NKAIN2: variants seen among roughly 807,000 people sequenced by gnomAD.
NKAIN2 encodes sodium/potassium transporting ATPase interacting 2, also known as sodium/potassium-transporting ATPase subunit beta-1-interacting protein 2.
NKAIN2 carries 14 observed loss-of-function variants against 32.6 expected under a neutral mutation model. The observed-to-expected ratio is 0.43, with a 90% CI of 0.28 to 0.67. The LOEUF is 0.67. NKAIN2 is among the 30% of genes least tolerant of loss of function. The pLI is 0.17. For missense variants in NKAIN2, 198 were observed against 258.3 expected, an observed-to-expected ratio of 0.77 and a Z score of 1.60; for synonymous variants, 80 against 87.2, an observed-to-expected ratio of 0.92 and a Z score of 0.46.
chr6:124,680,876 TGAGA>T (rs1003003290), intron 4 of NKAIN2, among the ~76,000 whole-genome samples: 4 of 151,814 alleles, frequency 2.6e-5, no homozygotes, highest in Admixed American at 2.6e-4. Context: ...ATAAAATAAA[TGAGA>T]AAGAAAGGAA....
At chr6:124,543,906 T>A (rs919327436) in intron 3 of NKAIN2, among the ~76,000 whole-genome samples, 1 of 152,148 alleles carries the variant, frequency 6.6e-6, no homozygotes, top group African/African-American at 2.4e-5. Context: ...AGCCAGGTAG[T>A]GCAGACCAGG....
chr6:124,094,003 A>C (rs538182650), intron 1 of NKAIN2, among the ~76,000 whole-genome samples: 167 of 152,284 alleles, frequency 1.1e-3, no homozygotes, highest in Non-Finnish European at 2.1e-3. Context: ...TGATATATGC[A>C]ACTGGATTTT....
chr6:124,351,987 A>C (rs2115132340), intron 2 of NKAIN2, among the ~76,000 whole-genome samples: 2 of 152,314 alleles, frequency 1.3e-5, no homozygotes, highest in South Asian at 2.1e-4. Flanking sequence ...AAATGACAAC[A>C]TATAGTGAAA....
At position 124,136,623 on chromosome 6, in the gene NKAIN2, C is replaced by T. The variant is rs116785128; in HGVS notation, c.55-146382C>T. ...AAATCCTCAATAAAATACTGGCTAACGAAACCCAACAGCGTCTCACAAAGA... is the reference window on the plus strand; with the variant it reads ...AAATCCTCAATAAAATACTGGCTAATGAAACCCAACAGCGTCTCACAAAGA... On this transcript the variant is annotated intron_variant, in intron 1 of 6. Coordinates refer to ENST00000368417, the MANE Select transcript of NKAIN2 (RefSeq NM_001040214.3). Among the ~76,000 whole-genome samples the T allele has an allele frequency of 1.4e-3, 219 of 152,136 alleles. 2 individuals carry two copies. Among genetic ancestry groups the T allele is most frequent in the African/African-American group, 4.6e-4 (19 of 41,532 alleles).
At chr6:123,842,668 G>GT (rs895891910) in intron 1 of NKAIN2, among the ~76,000 whole-genome samples, 2 of 151,284 alleles carry the variant, frequency 1.3e-5, no homozygotes, top group African/African-American at 4.9e-5. Flanking sequence ...TCTTGTCTAT[G>GT]TTTTTGTTTT....
chr6:123,868,570 T>G (rs1424156303), intron 1 of NKAIN2, among the ~76,000 whole-genome samples: 1 of 152,178 alleles, frequency 6.6e-6, no homozygotes, highest in African/African-American at 2.4e-5. Context: ...ATAGAGAGTG[T>G]GCTAGTAATA....
intron 1 of NKAIN2, among the ~76,000 whole-genome samples, chr6:123,944,968 C>G (rs1404915235): frequency 6.6e-6 from 1 of 151,942 alleles, no homozygotes; most frequent in Non-Finnish European, 1.5e-5. Flanking sequence ...CACATGCACA[C>G]ACAGACATAT....
At chr6:124,429,409 G>T (rs2114558914) in intron 3 of NKAIN2, among the ~76,000 whole-genome samples, 1 of 152,136 alleles carries the variant, frequency 6.6e-6, no homozygotes, top group African/African-American at 2.4e-5. Flanking sequence ...CATTGGCTGA[G>T]ATAACTTCTT....
intron 1 of NKAIN2, among the ~76,000 whole-genome samples, chr6:123,814,701 G>A: frequency 6.6e-6 from 1 of 151,768 alleles, no homozygotes; most frequent in Non-Finnish European, 1.5e-5. Flanking sequence ...TTTTTTTGAA[G>A]TTTACATAGT....
intron 1 of NKAIN2, among the ~76,000 whole-genome samples, chr6:124,246,415 C>T (rs1160478693): frequency 6.6e-6 from 1 of 152,080 alleles, no homozygotes; most frequent in Non-Finnish European, 1.5e-5. Context: ...GCCAGCAACA[C>T]TGGGTCTCTA....
chr6:124,437,706 A>G (rs1397911764), intron 3 of NKAIN2, among the ~76,000 whole-genome samples: 2 of 152,100 alleles, frequency 1.3e-5, no homozygotes, highest in Admixed American at 1.3e-4. Flanking sequence ...TCATGAGGTT[A>G]AGTGCTATGA....
intron 3 of NKAIN2, among the ~76,000 whole-genome samples, chr6:124,448,415 C>A (rs969550952): frequency 6.6e-6 from 1 of 152,098 alleles, no homozygotes; most frequent in African/African-American, 2.4e-5. Flanking sequence ...CTTGTCAATT[C>A]CCTTCAATAA....
chr6:123,804,683 GT>G (rs920215976), intron 1 of NKAIN2, among the ~76,000 whole-genome samples: 2 of 148,792 alleles, frequency 1.3e-5, no homozygotes, highest in Non-Finnish European at 3.0e-5. Context: ...TCATAGACAT[GT>G]TTTTTTTCTT....
chr6:123,872,693 G>C (rs572683845), intron 1 of NKAIN2, among the ~76,000 whole-genome samples: 368 of 152,276 alleles, frequency 2.4e-3, no homozygotes, highest in Non-Finnish European at 3.7e-3. Flanking sequence ...CAAGAATGCT[G>C]AAAGCAAGAT....
At chr6:124,251,002 A>G (rs1324702855) in intron 1 of NKAIN2, among the ~76,000 whole-genome samples, 1 of 152,040 alleles carries the variant, frequency 6.6e-6, no homozygotes, top group Non-Finnish European at 1.5e-5. Context: ...AATCACTAAA[A>G]GAATAAACAC....
At chr6:124,649,608 A>T (rs1784295267) in intron 3 of NKAIN2, among the ~76,000 whole-genome samples, 1 of 152,198 alleles carries the variant, frequency 6.6e-6, no homozygotes, top group African/African-American at 2.4e-5. Context: ...TTCGTAACAC[A>T]GTCTATGATG....
In NKAIN2 at chr6:124,357,917, C is replaced by A. The variant is rs1799064933; in HGVS notation, c.273+2570C>A. On this transcript the variant is annotated intron_variant, in intron 3 of 6. Transcript: ENST00000368417. ...CATTAGGTATATCTCCTAATGCTATCCCTCCCCCAACCCGCACGCCACAAC... is the reference window on the plus strand; with the variant it reads ...CATTAGGTATATCTCCTAATGCTATACCTCCCCCAACCCGCACGCCACAAC... Among the ~76,000 whole-genome samples the A allele has an allele frequency of 1.4e-5, 2 of 146,688 alleles. 1 individual carries two copies. The highest frequency in any genetic ancestry group is 4.2e-4 in the South Asian group (2 of 4,744).
intron 1 of NKAIN2, among the ~76,000 whole-genome samples, chr6:124,132,416 AAC>A (rs1421446154): frequency 1.3e-5 from 2 of 152,226 alleles, no homozygotes; most frequent in East Asian, 3.8e-4. Flanking sequence ...TCCCCTGGGT[AAC>A]TTAGGGCAAC....
At chr6:124,209,442 G>A (rs1362592128) in intron 1 of NKAIN2, among the ~76,000 whole-genome samples, 1 of 151,666 alleles carries the variant, frequency 6.6e-6, no homozygotes. Context: ...AATATATTAA[G>A]TTCCTTTCTT....
Sources: allele counts gnomAD v4.1 joint callset (sites outside exome capture counted in the v4.1 genomes callset), GRCh38; gene constraint gnomAD v4.1.1; transcripts MANE v1.5; gene names NCBI Gene and HGNC (gene_info 2026-07-23, HGNC 2026-07-21).